The following RFX3 variants were observed in gnomAD, a reference collection of about 807,000 sequenced individuals.
The protein encoded by RFX3 is transcription factor RFX3.
In RFX3, 14 loss-of-function variants were observed where a neutral mutation model predicts 98.6. That is an observed-to-expected ratio of 0.14 (90% CI 0.09 to 0.22). The LOEUF (loss-of-function observed/expected upper bound fraction) is 0.22, where lower values mean the gene tolerates loss of function less well. Among genes scored for constraint, RFX3 ranks in the 10% least tolerant of loss-of-function variants. The probability of loss-of-function intolerance (pLI) is 1.00; values close to 1 mark genes in which losing one functional copy is unlikely to be tolerated. For synonymous variants in RFX3, 383 were observed against 328.4 expected (o/e 1.17, Z -1.80); for missense variants, 639 against 926.9 (o/e 0.69, Z 4.03).
At chr9:3,333,332 A>C (rs952564928) in intron 3 of RFX3, among the ~76,000 whole-genome samples, 1 of 152,134 alleles carries the variant, frequency 6.6e-6, no homozygotes, top group Non-Finnish European at 1.5e-5. Context: ...AGTGTTCTGA[A>C]AGTATTCCAC....
chr9:3,290,987 C>T (rs1194017540), intron 6 of RFX3, among the ~76,000 whole-genome samples: 1 of 152,202 alleles, frequency 6.6e-6, no homozygotes, highest in Non-Finnish European at 1.5e-5. Context: ...ATGAGACCCT[C>T]ATTCCAGAGG....
chr9:3,331,291 C>A (rs2130897182), intron 3 of RFX3, among the ~76,000 whole-genome samples: 1 of 152,258 alleles, frequency 6.6e-6, no homozygotes, highest in East Asian at 1.9e-4. Context: ...ACACTGTTGG[C>A]CACTCCATGT....
chr9:3,430,569 G>A (rs1844566622), intron 1 of RFX3, among the ~76,000 whole-genome samples: 1 of 152,016 alleles, frequency 6.6e-6, no homozygotes, highest in African/African-American at 2.4e-5. Flanking sequence ...TCATCACAAT[G>A]ACACCAATAT....
chr9:3,481,690 T>A (rs1176374560), intron 1 of RFX3, among the ~76,000 whole-genome samples: 7 of 151,650 alleles, frequency 4.6e-5, no homozygotes, highest in Admixed American at 4.6e-4. Context: ...TATGAAGAGA[T>A]CTTGAAATTT....
At chr9:3,479,676 T>G (rs1564155693) in intron 1 of RFX3, among the ~76,000 whole-genome samples, 1 of 152,058 alleles carries the variant, frequency 6.6e-6, no homozygotes, top group African/African-American at 2.4e-5. Flanking sequence ...CAAGTAAAAG[T>G]GAGGAGGAAA....
intron 2 of RFX3, among the ~76,000 whole-genome samples, chr9:3,386,966 T>G (rs1487993123): frequency 6.6e-6 from 1 of 152,206 alleles, no homozygotes; most frequent in Non-Finnish European, 1.5e-5. Context: ...GAGGCTCTTG[T>G]GCAACACTGT....
intron 1 of RFX3, among the ~76,000 whole-genome samples, chr9:3,411,293 C>G (rs950254544): frequency 3.9e-5 from 6 of 152,094 alleles, no homozygotes; most frequent in African/African-American, 1.4e-4. Flanking sequence ...GAGAGCAACC[C>G]AGTCCATCTT....
At chr9:3,342,703 TC>T (rs1442600152) in intron 3 of RFX3, among the ~76,000 whole-genome samples, 1 of 152,102 alleles carries the variant, frequency 6.6e-6, no homozygotes, top group African/African-American at 2.4e-5. Context: ...CCAAGAAATT[TC>T]CATTGAAATG....
At chr9:3,366,867 C>T (rs924174051) in intron 2 of RFX3, among the ~76,000 whole-genome samples, 1 of 151,856 alleles carries the variant, frequency 6.6e-6, no homozygotes, top group African/African-American at 2.4e-5. Context: ...AGCATTCCCA[C>T]TCAAAAAAGT....
intron 13 of RFX3, among the ~76,000 whole-genome samples, chr9:3,261,119 G>A (rs1052978219): frequency 6.6e-6 from 1 of 151,858 alleles, no homozygotes; most frequent in African/African-American, 2.4e-5. Context: ...CAACAGTAAT[G>A]TTTTTTAACA....
At position 3,487,038 on chromosome 9, in the gene RFX3, T is replaced by G. The variant is rs577370917; in HGVS notation, c.-9+38709A>C. 3.3e-5 allele frequency among the ~76,000 whole-genome samples: 5 copies of G among 152,326 alleles called. No individual in the cohort carries two copies. In the East Asian group the frequency reaches 9.6e-4, roughly 29 times the overall value. ...CCTAGAATTTTCTCTTTTTTTTTAA[T>G]AGAGACAGCCTCTCCCTGTGTTGCC... On this transcript the variant is annotated intron_variant, in intron 1 of 16. Coordinates refer to ENST00000617270, the MANE Select transcript of RFX3 (RefSeq NM_001282116.2).
At chr9:3,277,505 C>T (rs764636481) in intron 7 of RFX3, 44 bp from the exon 8 acceptor site, 1 of 1,581,250 alleles carries the variant, frequency 6.3e-7, no homozygotes, top group South Asian at 1.1e-5. Context: ...CAAATTATTC[C>T]TTGCTTTTTT....
intron 3 of RFX3, among the ~76,000 whole-genome samples, chr9:3,338,321 G>A (rs1169971234): frequency 6.6e-6 from 1 of 152,198 alleles, no homozygotes; most frequent in African/African-American, 2.4e-5. Flanking sequence ...TTCAGCCATT[G>A]CTACAGCTAC....
intron 2 of RFX3, among the ~76,000 whole-genome samples, chr9:3,373,958 G>C (rs911173274): frequency 3.3e-5 from 5 of 151,994 alleles, no homozygotes; most frequent in African/African-American, 1.2e-4. Flanking sequence ...TGCGCCTGTA[G>C]TCCCAGCTAC....
chr9:3,484,959 G>A lies in RFX3; in HGVS notation c.-9+40788C>T, dbSNP rs1850129454. Among the ~76,000 whole-genome samples the A allele has an allele frequency of 2.7e-5, 4 of 150,740 alleles. No homozygotes were observed. In the Admixed American group the frequency reaches 2.7e-4, roughly 10 times the overall value. On this transcript the variant is annotated intron_variant, in intron 1 of 16. Transcript: ENST00000617270. ...GAAAGAAAAGGAAAAAAAAAAGCTG[G>A]GCATGATGACACACCTCTAGTCCTA...
chr9:3,230,646 G>C (rs1193126706), intron 15 of RFX3, among the ~76,000 whole-genome samples: 1 of 152,074 alleles, frequency 6.6e-6, no homozygotes, highest in African/African-American at 2.4e-5. Context: ...CAAAACTGAA[G>C]GATCATTTAA....
intron 1 of RFX3, 112 bp from the exon 2 acceptor site, chr9:3,395,708 T>G: frequency 9.2e-7 from 1 of 1,087,222 alleles, no homozygotes; most frequent in Non-Finnish European, 1.3e-6. Context: ...CTCTCATACC[T>G]CTTATCCCAA....
intron 1 of RFX3, among the ~76,000 whole-genome samples, chr9:3,443,716 T>C (rs1478842565): frequency 1.3e-5 from 2 of 152,210 alleles, no homozygotes; most frequent in African/African-American, 4.8e-5. Context: ...CTTGGCTATA[T>C]ACCCAGTAGT....
At chr9:3,504,979 A>ATCTT (rs1564186171) in intron 1 of RFX3, among the ~76,000 whole-genome samples, 14 of 81,518 alleles carry the variant, frequency 1.7e-4, no homozygotes, top group African/African-American at 7.2e-4. Context: ...TATATTATAT[A>ATCTT]ATATATATGT....
Sources: gnomAD v4.1 joint callset for allele counts (sites outside exome capture counted in the v4.1 genomes callset) on GRCh38, gnomAD v4.1.1 for gene constraint, MANE v1.5 for transcripts, NCBI Gene and HGNC (gene_info 2026-07-23, HGNC 2026-07-21) for gene names.